FAM149B1: variants seen among roughly 807,000 people sequenced by gnomAD.
FAM149B1 encodes the protein primary cilium assembly protein FAM149B1.
A neutral mutation model predicts 75.3 loss-of-function variants in FAM149B1; 56 were observed. That is an observed-to-expected ratio of 0.74 (90% CI 0.60 to 0.93). The LOEUF is 0.93. FAM149B1 is among the 40% of genes least tolerant of loss of function. The probability of loss-of-function intolerance (pLI) is 0.00; values close to 1 mark genes in which losing one functional copy is unlikely to be tolerated. For synonymous variants in FAM149B1, 259 were observed against 256.1 expected, an observed-to-expected ratio of 1.01 and a Z score of -0.11; for missense variants, 639 against 708.4, an observed-to-expected ratio of 0.90 and a Z score of 1.11.
At chr10:73,212,005 G>A (rs993458257) in intron 7 of FAM149B1, among the ~76,000 whole-genome samples, 2 of 152,122 alleles carry the variant, frequency 1.3e-5, no homozygotes, top group Non-Finnish European at 2.9e-5. Flanking sequence ...ATGTCCATGT[G>A]AACCCATTGT....
intron 7 of FAM149B1, among the ~76,000 whole-genome samples, chr10:73,215,608 T>C (rs2043281787): frequency 6.6e-6 from 1 of 152,188 alleles, no homozygotes; most frequent in African/African-American, 2.4e-5. Context: ...TTTTAATAGA[T>C]TGTATTTTTA....
At chr10:73,200,197 C>T (rs769826662) in intron 5 of FAM149B1, among the ~76,000 whole-genome samples, 1 of 152,028 alleles carries the variant, frequency 6.6e-6, no homozygotes, top group Non-Finnish European at 1.5e-5. Context: ...GGCATGTTGG[C>T]GCATACCTGT....
rs1039766170 is a variant in FAM149B1 at position 73,233,164 on chromosome 10, G to A, written c.1352+1G>A. 1 of 1,548,010 alleles carries A rather than the reference G, an allele frequency of 6.5e-7. No homozygotes were observed. The highest frequency in any genetic ancestry group is 2.0e-5 in the Admixed American group (1 of 50,988). ...AAGAAATCCTCAGAGGAGCCCGAGT[G>A]TAGGTTTCAAAAGCAGAACTTCTGG... On this transcript the variant is annotated splice_donor_variant, in intron 10 of 13. Transcript: ENST00000242505. LOFTEE classifies it high-confidence loss of function.
At position 73,177,981 on chromosome 10, in the gene FAM149B1, TTA is replaced by T. The variant is rs1390017448; in HGVS notation, c.282+10_282+11del. On this transcript the variant is annotated splice_region_variant and intron_variant, in intron 3 of 13. Coordinates refer to ENST00000242505, the MANE Select transcript of FAM149B1 (RefSeq NM_173348.2). ...ACTTCTCCTGGGGATATGGTGTGAG[TTA>T]TATGTTATCAGTCTGATAGAGTGCT... is the stretch of plus-strand genomic sequence containing the variant. 6.5e-7 allele frequency: 1 copy of T among 1,546,546 alleles called. No homozygotes were observed. The highest frequency in any genetic ancestry group is 8.7e-7 in the Non-Finnish European group (1 of 1,145,540).
At chr10:73,202,886 C>T (rs1026637816) in intron 5 of FAM149B1, among the ~76,000 whole-genome samples, 1 of 152,026 alleles carries the variant, frequency 6.6e-6, no homozygotes, top group Non-Finnish European at 1.5e-5. Flanking sequence ...GACAGGATTT[C>T]GCCTTTTGCC....
chr10:73,208,533 T>A, intron 5 of FAM149B1, 86 bp from the exon 6 acceptor site: 2 of 944,324 alleles, frequency 2.1e-6, no homozygotes, highest in Non-Finnish European at 3.1e-6. Flanking sequence ...GCAAGGGGAG[T>A]TTGAGCCAAA....
Position 73,241,026 on chromosome 10 carries a change from T to A in FAM149B1, c.*7T>A, listed in dbSNP as rs1345478940. The A allele has an allele frequency of 6.7e-7, 1 of 1,500,518 alleles. No individual in the cohort carries two copies. Among genetic ancestry groups the A allele is most frequent in the South Asian group, 1.2e-5 (1 of 82,724 alleles). 93.0% of individuals were successfully genotyped at this position (1,500,518 alleles called of 1,614,324 possible). On this transcript the variant is annotated 3_prime_UTR_variant, in exon 14 of 14. Transcript: ENST00000242505. ...AACCAGGCAGGGACCATAAGGCAAA[T>A]GAGAAGAATCTATCAGGCTGCAGGA...
chr10:73,185,359 A>C (rs2042494340), intron 3 of FAM149B1, among the ~76,000 whole-genome samples: 2 of 152,132 alleles, frequency 1.3e-5, no homozygotes, highest in Admixed American at 6.5e-5. Context: ...GACCAGCCTG[A>C]GCAACATAGT....
Position 73,168,215 on chromosome 10 carries a change from G to A in FAM149B1, c.-125G>A, listed in dbSNP as rs1002619253. 8 of 1,016,526 alleles carry A rather than the reference G, an allele frequency of 7.9e-6. No individual in the cohort carries two copies. Among genetic ancestry groups the A allele is most frequent in the Non-Finnish European group, 1.1e-5 (8 of 708,530 alleles). The allele number at this position is 1,016,526 out of a possible 1,614,324, so 63.0% of individuals were successfully genotyped here. On this transcript the variant is annotated 5_prime_UTR_variant, in exon 1 of 14. Transcript: ENST00000242505. Reference sequence around the variant, plus strand: ...CGGAGTCTAGGTGACGGGGCGAGACGGGGCCGGTAGGTGGCGGGAGGGGCC... The same window carrying A: ...CGGAGTCTAGGTGACGGGGCGAGACAGGGCCGGTAGGTGGCGGGAGGGGCC...
At chr10:73,188,078 G>T (rs1053719481) in intron 3 of FAM149B1, among the ~76,000 whole-genome samples, 1 of 151,968 alleles carries the variant, frequency 6.6e-6, no homozygotes, top group African/African-American at 2.4e-5. Context: ...GCATGACTCC[G>T]ACTCAAAACA....
chr10:73,215,142 T>C (rs2043268412), intron 7 of FAM149B1, among the ~76,000 whole-genome samples: 2 of 152,146 alleles, frequency 1.3e-5, no homozygotes, highest in African/African-American at 4.8e-5. Flanking sequence ...TGCCTCAGCC[T>C]CCCAAGTAGC....
intron 3 of FAM149B1, among the ~76,000 whole-genome samples, chr10:73,189,415 T>C (rs2042626229): frequency 6.6e-6 from 1 of 152,182 alleles, no homozygotes; most frequent in Admixed American, 6.5e-5. Flanking sequence ...AACATATGTG[T>C]AGAAAAAGAC....
intron 8 of FAM149B1, among the ~76,000 whole-genome samples, chr10:73,228,499 T>C (rs958957406): frequency 6.6e-6 from 1 of 152,228 alleles, no homozygotes; most frequent in African/African-American, 2.4e-5. Context: ...AAATGACTCA[T>C]CTTAGATTCT....
chr10:73,243,920 C>G lies in FAM149B1; in HGVS notation c.*2901C>G, dbSNP rs1004639886. 1 of 1,613,972 alleles carries G rather than the reference C, an allele frequency of 6.2e-7. No homozygotes were observed. Among genetic ancestry groups the G allele is most frequent in the African/African-American group, 1.3e-5 (1 of 74,914 alleles). ...CTGCTCATTTCTGCTTCTTTGGCCTCTTCCTGAGCCTGAAACAGGAACTCA... is the reference window on the plus strand; with the variant it reads ...CTGCTCATTTCTGCTTCTTTGGCCTGTTCCTGAGCCTGAAACAGGAACTCA... On this transcript the variant is annotated 3_prime_UTR_variant, in exon 14 of 14. Coordinates refer to ENST00000242505, the MANE Select transcript of FAM149B1 (RefSeq NM_173348.2).
At chr10:73,175,274 A>G (rs1407713284) in intron 2 of FAM149B1, among the ~76,000 whole-genome samples, 1 of 152,176 alleles carries the variant, frequency 6.6e-6, no homozygotes, top group Non-Finnish European at 1.5e-5. Context: ...AGAAGCTGAC[A>G]TGGGAAGATT....
intron 5 of FAM149B1, among the ~76,000 whole-genome samples, chr10:73,201,747 T>A (rs987073942): frequency 6.6e-6 from 1 of 152,170 alleles, no homozygotes; most frequent in African/African-American, 2.4e-5. Flanking sequence ...CTGGACCCTA[T>A]GGCTAAGCCC....
chr10:73,219,038 G>A (rs2043353296), intron 7 of FAM149B1, among the ~76,000 whole-genome samples: 2 of 152,020 alleles, frequency 1.3e-5, no homozygotes, highest in Middle Eastern at 3.2e-3. Flanking sequence ...CATGTTCCAG[G>A]TCTAGATTTC....
At chr10:73,221,790 C>A (rs910742327) in intron 7 of FAM149B1, among the ~76,000 whole-genome samples, 2 of 151,860 alleles carry the variant, frequency 1.3e-5, no homozygotes, top group Non-Finnish European at 2.9e-5. Context: ...ATCATTGATC[C>A]CTCAGGTAAC....
chr10:73,204,326 T>C (rs2043002096), intron 5 of FAM149B1, among the ~76,000 whole-genome samples: 2 of 152,182 alleles, frequency 1.3e-5, no homozygotes, highest in South Asian at 4.1e-4. Flanking sequence ...GGTTTTACCA[T>C]GTTGGCCAGG....
Sources: gnomAD v4.1 joint callset for allele counts (sites outside exome capture counted in the v4.1 genomes callset) on GRCh38, gnomAD v4.1.1 for gene constraint, MANE v1.5 for transcripts, NCBI Gene and HGNC (gene_info 2026-07-23, HGNC 2026-07-21) for gene names.